CHRM2: variants seen among roughly 807,000 people sequenced by gnomAD.
CHRM2 encodes the protein cholinergic receptor muscarinic 2.
A neutral mutation model predicts 25.0 loss-of-function variants in CHRM2; 8 were observed. The observed-to-expected ratio is 0.32, with a 90% confidence interval of 0.19 to 0.58. The LOEUF (loss-of-function observed/expected upper bound fraction) is 0.58, where lower values mean the gene tolerates loss of function less well. Among genes scored for constraint, CHRM2 ranks in the 20% least tolerant of loss-of-function variants. CHRM2 has a pLI of 0.88. For missense variants in CHRM2, 440 were observed against 567.1 expected (o/e 0.78, Z 2.28); for synonymous variants, 202 against 205.7 (o/e 0.98, Z 0.15).
chr7:136,988,641 T>C (rs1033168421), intron 2 of CHRM2, among the ~76,000 whole-genome samples: 3 of 152,082 alleles, frequency 2.0e-5, no homozygotes, highest in Admixed American at 6.6e-5. Flanking sequence ...TGTCAACAAA[T>C]AGAGTAGACA....
At chr7:136,885,315 G>T (rs1463018214) in intron 2 of CHRM2, among the ~76,000 whole-genome samples, 3 of 152,174 alleles carry the variant, frequency 2.0e-5, no homozygotes, top group Non-Finnish European at 2.9e-5. Flanking sequence ...TTGCAAAAGT[G>T]AGCAGGTCTC....
chr7:136,967,151 A>G lies in CHRM2; in HGVS notation c.-124-25036A>G, dbSNP rs1447140634. On this transcript the variant is annotated intron_variant, in intron 2 of 3. Transcript: ENST00000680005. ...TTTGATTGCAACTAGCCATCTGATA[A>G]TGTGTTTCAGGATTCCTGCATGGAT... Among the ~76,000 whole-genome samples, 3 of 152,100 alleles carry G rather than the reference A, an allele frequency of 2.0e-5. No individual in the cohort carries two copies. In the East Asian group the frequency reaches 5.8e-4, roughly 29 times the overall value.
At chr7:136,895,759 C>T (rs924974984) in intron 2 of CHRM2, among the ~76,000 whole-genome samples, 1 of 152,134 alleles carries the variant, frequency 6.6e-6, no homozygotes, top group Admixed American at 6.5e-5. Context: ...AGTATAGTTA[C>T]CATCATAGAA....
At chr7:136,901,723 T>A (rs1291842481) in intron 2 of CHRM2, 4 of 152,060 alleles carry the variant, frequency 2.6e-5, no homozygotes, top group African/African-American at 9.7e-5. Context: ...ATAACAACAT[T>A]GATAATTTCA....
intron 2 of CHRM2, among the ~76,000 whole-genome samples, chr7:136,970,576 T>C (rs324594): frequency 0.25 from 37,378 of 152,142 alleles, 4,737 homozygotes; most frequent in East Asian, 0.34. Flanking sequence ...CTTGGACTTC[T>C]TTATACTGAG....
At chr7:136,957,548 G>T (rs1800797869) in intron 2 of CHRM2, among the ~76,000 whole-genome samples, 1 of 152,090 alleles carries the variant, frequency 6.6e-6, no homozygotes, top group African/African-American at 2.4e-5. Flanking sequence ...TATTCTTTTT[G>T]ACTATTACTC....
intron 2 of CHRM2, among the ~76,000 whole-genome samples, chr7:136,952,639 G>A (rs1322202269): frequency 6.6e-5 from 10 of 151,782 alleles, no homozygotes; most frequent in African/African-American, 1.9e-4. Flanking sequence ...CTTGTGTCAC[G>A]GGGGTTCACT....
intron 2 of CHRM2, among the ~76,000 whole-genome samples, chr7:136,874,807 T>C (rs1157302759): frequency 6.6e-6 from 1 of 152,048 alleles, no homozygotes; most frequent in Admixed American, 6.6e-5. Context: ...ATGTCAAATG[T>C]TGTTTACTAT....
intron 2 of CHRM2, among the ~76,000 whole-genome samples, chr7:136,873,109 G>T (rs17487790): frequency 0.13 from 19,970 of 152,188 alleles, 1,474 homozygotes; most frequent in Non-Finnish European, 0.17. Flanking sequence ...TAGTTCCCAA[G>T]AGACTCCTAT....
intron 2 of CHRM2, among the ~76,000 whole-genome samples, chr7:136,973,775 T>G (rs1285970640): frequency 6.6e-6 from 1 of 151,812 alleles, no homozygotes; most frequent in African/African-American, 2.4e-5. Flanking sequence ...GTAATGGAGT[T>G]GATGGTGGTG....
chr7:136,895,544 A>G (rs1372856832), intron 2 of CHRM2, among the ~76,000 whole-genome samples: 1 of 152,134 alleles, frequency 6.6e-6, no homozygotes, highest in Non-Finnish European at 1.5e-5. Flanking sequence ...CTCAGTTTAT[A>G]TTTCTTAGCA....
chr7:137,008,669 G>A (rs78771438), intron 3 of CHRM2, among the ~76,000 whole-genome samples: 7,585 of 152,130 alleles, frequency 0.05, 296 homozygotes, highest in African/African-American at 0.11. Flanking sequence ...TAGGAAGCAT[G>A]TATACTAAGA....
chr7:136,928,119 C>T (rs575139831), intron 2 of CHRM2, among the ~76,000 whole-genome samples: 18 of 152,064 alleles, frequency 1.2e-4, no homozygotes, highest in African/African-American at 1.2e-4. Context: ...CATTAAAATA[C>T]GAGCAAGAAA....
Position 136,869,130 on chromosome 7 carries a change from G to T in CHRM2, c.-282-131G>T, listed in dbSNP as rs1245607453. ...AGACGAGTGTGGGGTGCGTGACTCTGCCTGCGCGCGCGCCAGCCCCGCAGC... is the reference window on the plus strand; with the variant it reads ...AGACGAGTGTGGGGTGCGTGACTCTTCCTGCGCGCGCGCCAGCCCCGCAGC... On this transcript the variant is annotated intron_variant, in intron 1 of 3. Transcript: ENST00000680005. This position sits in a 1 kb window ranked among gnomAD's most constrained non-coding sequence, Gnocchi z 4.9. 1 of 152,302 alleles carries T rather than the reference G, an allele frequency of 6.6e-6. No homozygotes were observed. The allele number at this position is 152,302 out of a possible 1,614,324, so 9.4% of individuals were successfully genotyped here.
intron 2 of CHRM2, among the ~76,000 whole-genome samples, chr7:136,915,237 T>C (rs1798042734): frequency 6.6e-6 from 1 of 151,958 alleles, no homozygotes; most frequent in Admixed American, 6.6e-5. Flanking sequence ...AATGATTTAG[T>C]AAAGTTAAAT....
At chr7:136,993,630 T>C (rs968761185) in intron 3 of CHRM2, among the ~76,000 whole-genome samples, 2 of 152,064 alleles carry the variant, frequency 1.3e-5, no homozygotes, top group Non-Finnish European at 2.9e-5. Context: ...TGCCTGTCAC[T>C]AAAATAAGCT....
intron 2 of CHRM2, among the ~76,000 whole-genome samples, chr7:136,893,006 C>T (rs891747049): frequency 5.3e-5 from 8 of 152,136 alleles, no homozygotes; most frequent in Admixed American, 2.6e-4. Context: ...CTCTTCTTTT[C>T]TGTATCCTCT....
chr7:136,994,843 T>C (rs1264313278), intron 3 of CHRM2, among the ~76,000 whole-genome samples: 1 of 151,984 alleles, frequency 6.6e-6, no homozygotes, highest in Non-Finnish European at 1.5e-5. Flanking sequence ...GATCTCAGCT[T>C]AGTTTAATAG....
intron 2 of CHRM2, among the ~76,000 whole-genome samples, chr7:136,911,947 T>C (rs1490037750): frequency 6.6e-6 from 1 of 151,928 alleles, no homozygotes; most frequent in African/African-American, 2.4e-5. Flanking sequence ...TAACCATATT[T>C]AAAAAGTTAT....
Sources: allele counts gnomAD v4.1 joint callset (sites outside exome capture counted in the v4.1 genomes callset), GRCh38; gene constraint gnomAD v4.1.1; non-coding constraint Gnocchi (gnomAD v3.1); transcripts MANE v1.5; gene names NCBI Gene and HGNC (gene_info 2026-07-23, HGNC 2026-07-21).